CCDC171: variants seen among roughly 807,000 people sequenced by gnomAD.
CCDC171 encodes coiled-coil domain-containing protein 171.
CCDC171 carries 177 observed loss-of-function variants against 168.2 expected under a neutral mutation model. The observed-to-expected ratio is 1.05, with a 90% CI of 0.93 to 1.19. CCDC171 has a LOEUF of 1.19. Among genes scored for constraint, CCDC171 ranks in the 50% most tolerant of loss-of-function variants. The probability of loss-of-function intolerance (pLI) is 0.00; values close to 1 mark genes in which losing one functional copy is unlikely to be tolerated. For missense variants in CCDC171, 1,991 were observed against 1,539.0 expected (o/e 1.29, Z -4.91); for synonymous variants, 687 against 540.8 (o/e 1.27, Z -3.75).
At chr9:15,828,278 A>T (rs1187503631) in intron 21 of CCDC171, among the ~76,000 whole-genome samples, 1 of 152,036 alleles carries the variant, frequency 6.6e-6, no homozygotes, top group African/African-American at 2.4e-5. Context: ...AGGAAGAGCA[A>T]ACAAATGTAG....
At chr9:15,616,258 G>A (rs928839734) in intron 6 of CCDC171, among the ~76,000 whole-genome samples, 1 of 151,736 alleles carries the variant, frequency 6.6e-6, no homozygotes, top group African/African-American at 2.4e-5. Context: ...AGCCATTTCT[G>A]TTTATTTTTT....
At chr9:15,667,372 A>C (rs2048807066) in intron 9 of CCDC171, among the ~76,000 whole-genome samples, 1 of 152,164 alleles carries the variant, frequency 6.6e-6, no homozygotes, top group Admixed American at 6.5e-5. Flanking sequence ...TTGGCTGGGC[A>C]CGGTGGCTTA....
intron 21 of CCDC171, among the ~76,000 whole-genome samples, chr9:15,834,172 C>T (rs751244551): frequency 2.6e-5 from 4 of 152,114 alleles, no homozygotes; most frequent in Non-Finnish European, 5.9e-5. Context: ...ATCTGAGACT[C>T]AGCAATGGTT....
At chr9:15,558,306 G>A (rs933144159) in intron 1 of CCDC171, among the ~76,000 whole-genome samples, 2 of 152,162 alleles carry the variant, frequency 1.3e-5, no homozygotes, top group Admixed American at 1.3e-4. Flanking sequence ...AGTTTCAGAA[G>A]GAATGGTACC....
At chr9:15,771,740 C>T (rs945979194) in intron 18 of CCDC171, among the ~76,000 whole-genome samples, 29 of 152,144 alleles carry the variant, frequency 1.9e-4, no homozygotes, top group Middle Eastern at 3.4e-3. Flanking sequence ...AGAATACTTT[C>T]GATACATTAA....
At chr9:15,946,963 G>A (rs1828473143) in intron 25 of CCDC171, among the ~76,000 whole-genome samples, 1 of 151,792 alleles carries the variant, frequency 6.6e-6, no homozygotes, top group Admixed American at 6.6e-5. Flanking sequence ...TTGTTGTTTA[G>A]GTTGTACAAT....
chr9:15,873,111 G>A (rs749040655), intron 23 of CCDC171, among the ~76,000 whole-genome samples: 21 of 152,004 alleles, frequency 1.4e-4, no homozygotes, highest in Admixed American at 2.0e-4. Flanking sequence ...TTGACAGAAA[G>A]TCTTCAGATC....
intron 8 of CCDC171, among the ~76,000 whole-genome samples, chr9:15,659,832 A>G (rs2048188888): frequency 6.6e-6 from 1 of 152,178 alleles, no homozygotes; most frequent in Non-Finnish European, 1.5e-5. Context: ...GCCTTGATTT[A>G]GGTGTTTATT....
At chr9:15,689,072 G>A (rs2050607146) in intron 10 of CCDC171, among the ~76,000 whole-genome samples, 1 of 152,060 alleles carries the variant, frequency 6.6e-6, no homozygotes, top group South Asian at 2.1e-4. Context: ...AACTAGCAAT[G>A]AGCATTCCAA....
the CCDC171 span, among the ~76,000 whole-genome samples, chr9:16,089,750 C>A: frequency 3.4e-5 from 5 of 145,074 alleles, no homozygotes; most frequent in Admixed American, 6.7e-5. Context: ...AAAAAAAAAC[C>A]CATCAAAAAA....
At chr9:16,068,712 A>G in the CCDC171 span, among the ~76,000 whole-genome samples, 586 of 152,052 alleles carry the variant, frequency 3.9e-3, 2 homozygotes, top group Non-Finnish European at 6.5e-3. Flanking sequence ...TTGTACAGAG[A>G]TTCCTTTAGG....
chr9:15,582,311 A>G (rs1424393738), intron 4 of CCDC171, among the ~76,000 whole-genome samples: 2 of 152,196 alleles, frequency 1.3e-5, no homozygotes, highest in Non-Finnish European at 2.9e-5. Flanking sequence ...GAGAAATAGG[A>G]ATGCTTTTAC....
chr9:15,616,891 A>G, intron 6 of CCDC171, among the ~76,000 whole-genome samples: 1 of 152,198 alleles, frequency 6.6e-6, no homozygotes. Context: ...AGACTGGGTA[A>G]TTTATAAAGG....
chr9:15,955,536 T>G (rs1366776238), intron 25 of CCDC171, among the ~76,000 whole-genome samples: 1 of 152,144 alleles, frequency 6.6e-6, no homozygotes, highest in African/African-American at 2.4e-5. Context: ...GTGTCTGTCA[T>G]GGGGCTGGAA....
At chr9:15,747,908 T>C (rs1588274472) in intron 18 of CCDC171, among the ~76,000 whole-genome samples, 1 of 152,276 alleles carries the variant, frequency 6.6e-6, no homozygotes, top group East Asian at 1.9e-4. Context: ...TTTGACGAGT[T>C]GACAGAAGTA....
At position 15,729,799 on chromosome 9, in the gene CCDC171, G is replaced by T. The variant is rs1184299669; in HGVS notation, c.2049+1G>T. 1 of 1,597,728 alleles carries T rather than the reference G, an allele frequency of 6.3e-7. No individual in the cohort carries two copies. The highest frequency in any genetic ancestry group is 2.2e-5 in the East Asian group (1 of 44,804). On this transcript the variant is annotated splice_donor_variant, in intron 16 of 25. Transcript: ENST00000380701. LOFTEE classifies it high-confidence loss of function. ...CCTGGAGGTGCAGAAGAGGGCACAG[G>T]TATGCTACCTTTACAAAGAGCTTTA...
intron 1 of CCDC171, among the ~76,000 whole-genome samples, chr9:15,556,426 G>A (rs1462775824): frequency 1.3e-5 from 2 of 152,042 alleles, no homozygotes; most frequent in African/African-American, 2.4e-5. Flanking sequence ...TTTAATGATC[G>A]CCATTCTAAC....
the CCDC171 span, among the ~76,000 whole-genome samples, chr9:16,101,789 G>T: frequency 2.0e-5 from 3 of 152,206 alleles, no homozygotes; most frequent in Non-Finnish European, 2.9e-5. Flanking sequence ...CAGCCAGGAA[G>T]AAAGCAGGGA....
intron 25 of CCDC171, among the ~76,000 whole-genome samples, chr9:15,934,988 T>C (rs898091482): frequency 2.0e-5 from 3 of 152,174 alleles, no homozygotes; most frequent in Non-Finnish European, 2.9e-5. Flanking sequence ...ACATTAGTGA[T>C]TGACAGAGGC....
Sources: gnomAD v4.1 joint callset for allele counts (sites outside exome capture counted in the v4.1 genomes callset) on GRCh38, gnomAD v4.1.1 for gene constraint, MANE v1.5 for transcripts, NCBI Gene and HGNC (gene_info 2026-07-23, HGNC 2026-07-21) for gene names.